The following PROP1 variants were observed in gnomAD, a reference collection of about 807,000 sequenced individuals.
PROP1 encodes the protein homeobox protein prophet of Pit-1.
In PROP1, 12 loss-of-function variants were observed where a neutral mutation model predicts 22.3. The observed-to-expected ratio is 0.54, with a 90% CI of 0.34 to 0.87. The LOEUF (loss-of-function observed/expected upper bound fraction) is 0.87, where lower values mean the gene tolerates loss of function less well. PROP1 is among the 40% of genes least tolerant of loss of function. The probability of loss-of-function intolerance (pLI) is 0.01; values close to 1 mark genes in which losing one functional copy is unlikely to be tolerated. For synonymous variants in PROP1, 112 were observed against 116.7 expected (o/e 0.96, Z 0.26); for missense variants, 278 against 295.1 (o/e 0.94, Z 0.43).
At chr5:177,994,666 C>T (rs531275769) in intron 1 of PROP1, among the ~76,000 whole-genome samples, 1 of 152,266 alleles carries the variant, frequency 6.6e-6, no homozygotes, top group African/African-American at 2.4e-5. Flanking sequence ...TCTCAAACTC[C>T]TGGCCTCAAG....
chr5:177,993,090 A>G, intron 2 of PROP1, 43 bp from the exon 3 acceptor site: 5 of 1,517,028 alleles, frequency 3.3e-6, no homozygotes, highest in Non-Finnish European at 3.6e-6. Context: ...CACTTGACAT[A>G]GGTGGTGACA....
intron 1 of PROP1, among the ~76,000 whole-genome samples, chr5:177,995,103 G>A (rs897550697): frequency 4.6e-5 from 7 of 152,060 alleles, no homozygotes; most frequent in African/African-American, 1.7e-4. Context: ...TTCAACCTGT[G>A]CCTTCTTCAG....
chr5:177,996,081 G>T lies in PROP1; in HGVS notation c.-148C>A. The T allele has an allele frequency of 1.4e-6, 1 of 706,938 alleles. No homozygotes were observed. The highest frequency in any genetic ancestry group is 2.5e-6 in the Non-Finnish European group (1 of 397,884). The allele number at this position is 706,938 out of a possible 1,614,324, so 43.8% of individuals were successfully genotyped here. A position where few individuals can be genotyped will look rare whatever the true frequency, so the allele number is the denominator to read the frequency against. On this transcript the variant is annotated 5_prime_UTR_variant, in exon 1 of 3. Transcript: ENST00000308304. ...TCTCTGAATGTGTGTGTAGGTGCAG[G>T]CAGCTGTCTCTGACTTTTTCACTGT...
intron 2 of PROP1, 83 bp from the exon 3 acceptor site, chr5:177,993,130 C>T (rs1772696479): frequency 8.3e-7 from 1 of 1,209,476 alleles, no homozygotes; most frequent in African/African-American, 1.5e-5. Context: ...GGTGCAGGGA[C>T]AGGGAGCAGG....
chr5:177,992,875 C>T lies in PROP1; in HGVS notation c.515G>A (p.Ser172Asn). The part of the protein sequence containing the change: ...PPVTCFPHPY[S>N]HALPSQPSTG... The stretch of plus-strand genomic sequence containing the variant: ...GGAGGGCTGGGAAGGGAGGGCATGG[C>T]TGTAGGGGTGAGGGAAGCAGGTCAC... The change falls in exon 3 of 3, where the codon AGC becomes AAC. Residue 172 changes from serine (S) to asparagine (N), a missense_variant. Transcript: ENST00000308304. 1 of 1,613,590 alleles carries T rather than the reference C, an allele frequency of 6.2e-7. No homozygotes were observed. The highest frequency in any genetic ancestry group is 8.5e-7 in the Non-Finnish European group (1 of 1,179,894).
chr5:177,996,055 G>T lies in PROP1; in HGVS notation c.-122C>A. 1.2e-6 allele frequency: 1 copy of T among 806,694 alleles called. No homozygotes were observed. The allele number at this position is 806,694 out of a possible 1,614,324, so 50.0% of individuals were successfully genotyped here. A position where few individuals can be genotyped will look rare whatever the true frequency, so the allele number is the denominator to read the frequency against. The stretch of plus-strand genomic sequence containing the variant: ...TGTGTATGCCACCCTCTGGGACTCT[G>T]TCTCTGAATGTGTGTGTAGGTGCAG... On this transcript the variant is annotated 5_prime_UTR_variant, in exon 1 of 3. Transcript: ENST00000308304.
chr5:177,992,861 A>C lies in PROP1; in HGVS notation c.529T>G (p.Ser177Ala). The C allele has an allele frequency of 6.2e-7, 1 of 1,612,818 alleles. No individual in the cohort carries two copies. The highest frequency in any genetic ancestry group is 1.1e-5 in the South Asian group (1 of 90,994). The change falls in exon 3 of 3, where the codon TCC becomes GCC. Residue 177 changes from serine (S) to alanine (A), a missense_variant. Ser to Ala is a moderately conservative substitution (Grantham distance 99, BLOSUM62 1). Transcript: ENST00000308304. ...AAGGCGCCTCCTGTGGAGGGCTGGG[A>C]AGGGAGGGCATGGCTGTAGGGGTGA... ...FPHPYSHALP[S>A]QPSTGGAFAL...
Position 177,996,100 on chromosome 5 carries a change from TC to T in PROP1, c.-168del. 1.5e-6 allele frequency: 1 copy of T among 661,352 alleles called. No individual in the cohort carries two copies. The highest frequency in any genetic ancestry group is 2.7e-6 in the Non-Finnish European group (1 of 370,068). The allele number at this position is 661,352 out of a possible 1,614,324, so 41.0% of individuals were successfully genotyped here. On this transcript the variant is annotated 5_prime_UTR_variant, in exon 1 of 3. Transcript: ENST00000308304. ...GTGCAGGCAGCTGTCTCTGACTTTT[TC>T]ACTGTCTTTACTTTTTTTCTAATTG... is the stretch of plus-strand genomic sequence containing the variant.
At chr5:177,995,625 C>A (rs1422869031) in intron 1 of PROP1, among the ~76,000 whole-genome samples, 200 bp downstream of exon 1, 2 of 152,224 alleles carry the variant, frequency 1.3e-5, no homozygotes, top group East Asian at 3.8e-4. Flanking sequence ...CAGCCGCCCC[C>A]TCCTGCCAAG....
In PROP1 at chr5:177,996,199, T is replaced by A; in HGVS notation, c.-266A>T. ...CCTCAGCCTCACCTGTTGCTCTGTTTCTGACTACTTTTCTCTGCCTGGCCC... is the reference window on the plus strand; with the variant it reads ...CCTCAGCCTCACCTGTTGCTCTGTTACTGACTACTTTTCTCTGCCTGGCCC... On this transcript the variant is annotated 5_prime_UTR_variant, in exon 1 of 3. Coordinates refer to ENST00000308304, the MANE Select transcript of PROP1 (RefSeq NM_006261.5). The A allele has an allele frequency of 1.9e-6, 1 of 523,412 alleles. No homozygotes were observed. The highest frequency in any genetic ancestry group is 3.5e-6 in the Non-Finnish European group (1 of 289,668). The allele number at this position is 523,412 out of a possible 1,614,324, so 32.4% of individuals were successfully genotyped here. A position where few individuals can be genotyped will look rare whatever the true frequency, so the allele number is the denominator to read the frequency against.
Position 177,992,419 on chromosome 5 carries a change from T to C in PROP1, c.*290A>G. 4.4e-6 allele frequency: 2 copies of C among 455,824 alleles called. No homozygotes were observed. Among genetic ancestry groups the C allele is most frequent in the Non-Finnish European group, 7.8e-6 (2 of 256,278 alleles). 28.2% of individuals were successfully genotyped at this position (455,824 alleles called of 1,614,324 possible). ...AATGAAGGCCCTCACCTCCTAGCCCTTCAATCATCTCCACTCACCAGCAAC... is the reference window on the plus strand; with the variant it reads ...AATGAAGGCCCTCACCTCCTAGCCCCTCAATCATCTCCACTCACCAGCAAC... On this transcript the variant is annotated 3_prime_UTR_variant, in exon 3 of 3. Coordinates refer to ENST00000308304, the MANE Select transcript of PROP1 (RefSeq NM_006261.5).
At position 177,992,855 on chromosome 5, in the gene PROP1, G is replaced by C; in HGVS notation, c.535C>G (p.Pro179Ala). The C allele has an allele frequency of 6.2e-7, 1 of 1,613,010 alleles. No homozygotes were observed. Among genetic ancestry groups the C allele is most frequent in the Non-Finnish European group, 8.5e-7 (1 of 1,179,428 alleles). The change falls in exon 3 of 3, where the codon CCC becomes GCC. Residue 179 changes from proline (P) to alanine (A), a missense_variant. Coordinates refer to ENST00000308304, the MANE Select transcript of PROP1 (RefSeq NM_006261.5). ...HPYSHALPSQ[P>A]STGGAFALSH... ...AAAGCAAAGGCGCCTCCTGTGGAGG[G>C]CTGGGAAGGGAGGGCATGGCTGTAG...
At position 177,994,162 on chromosome 5, in the gene PROP1, T is replaced by G; in HGVS notation, c.286A>C (p.Ile96Leu). 1.2e-6 allele frequency: 2 copies of G among 1,614,136 alleles called. No homozygotes were observed. The highest frequency in any genetic ancestry group is 1.7e-6 in the Non-Finnish European group (2 of 1,180,026). ...SAFGRNQYPD[I>L]WARESLARDT... Reference sequence around the variant, plus strand: ...CGGGCAAGACTCTCTCGGGCCCAGATGTCGGGGTACTGGTTCCTCCCAAAG... The same window carrying G: ...CGGGCAAGACTCTCTCGGGCCCAGAGGTCGGGGTACTGGTTCCTCCCAAAG... The change falls in exon 2 of 3, where the codon ATC becomes CTC. Residue 96 changes from isoleucine to leucine, a missense_variant. By Grantham distance (5) the Ile-to-Leu change is conservative. Transcript: ENST00000308304.
intron 1 of PROP1, among the ~76,000 whole-genome samples, chr5:177,995,156 C>A (rs1324889278): frequency 6.6e-6 from 1 of 152,040 alleles, no homozygotes; most frequent in Non-Finnish European, 1.5e-5. Flanking sequence ...AAGATGGGCA[C>A]CCCCCTCTTC....
rs199920116 is a variant in PROP1 at position 177,994,212 on chromosome 5, A to G, written c.236T>C (p.Val79Ala). Residue 79 changes from valine to alanine, a missense_variant, in exon 2 of 3, where the codon GTG becomes GCG. Transcript: ENST00000308304. ...RRRHRTTFSP[V>A]QLEQLESAFG... ...GGCTGACTCCAGCTGTTCCAACTGCACTGGGCTGAAGGTGGTGCGGTGGCG... is the reference window on the plus strand; with the variant it reads ...GGCTGACTCCAGCTGTTCCAACTGCGCTGGGCTGAAGGTGGTGCGGTGGCG... 1 of 1,614,114 alleles carries G rather than the reference A, an allele frequency of 6.2e-7. No individual in the cohort carries two copies. Among genetic ancestry groups the G allele is most frequent in the East Asian group, 2.2e-5 (1 of 44,860 alleles).
chr5:177,993,373 A>T (rs1772699847), intron 2 of PROP1, among the ~76,000 whole-genome samples: 1 of 152,204 alleles, frequency 6.6e-6, no homozygotes, highest in Non-Finnish European at 1.5e-5. Flanking sequence ...TTTAACGATT[A>T]AGACTGTAGA....
chr5:177,994,183 C>G lies in PROP1; in HGVS notation c.265G>C (p.Gly89Arg), dbSNP rs1755697105. 3 of 1,614,036 alleles carry G rather than the reference C, an allele frequency of 1.9e-6. No homozygotes were observed. The highest frequency in any genetic ancestry group is 2.5e-6 in the Non-Finnish European group (3 of 1,180,022). Residue 89 changes from glycine to arginine, a missense_variant, in exon 2 of 3, where the codon GGG (glycine) becomes CGG (arginine). Gly to Arg is a moderately radical substitution (Grantham distance 125). Coordinates refer to ENST00000308304, the MANE Select transcript of PROP1 (RefSeq NM_006261.5). ...CAGATGTCGGGGTACTGGTTCCTCCCAAAGGCTGACTCCAGCTGTTCCAAC... is the reference window on the plus strand; with the variant it reads ...CAGATGTCGGGGTACTGGTTCCTCCGAAAGGCTGACTCCAGCTGTTCCAAC... The part of the protein sequence containing the change: ...VQLEQLESAF[G>R]RNQYPDIWAR...
Position 177,995,805 on chromosome 5 carries a change from A to G in PROP1, c.109+20T>C, listed in dbSNP as rs1755752360. On this transcript the variant is annotated intron_variant, in intron 1 of 2. Transcript: ENST00000308304. ...CCGCTGCCTCCTCAGGGACCCACGCACACCGGGACGGTCACTCACCCACCG... is the reference window on the plus strand; with the variant it reads ...CCGCTGCCTCCTCAGGGACCCACGCGCACCGGGACGGTCACTCACCCACCG... The G allele has an allele frequency of 6.3e-7, 1 of 1,599,022 alleles. No individual in the cohort carries two copies. Among genetic ancestry groups the G allele is most frequent in the Non-Finnish European group, 8.6e-7 (1 of 1,167,518 alleles).
chr5:177,996,006 A>C lies in PROP1; in HGVS notation c.-73T>G. On this transcript the variant is annotated 5_prime_UTR_variant, in exon 1 of 3. Transcript: ENST00000308304. ...CTCTGCTTCCGCAGCTCCTCTCCACACCTGTTCCCTCCCCTTCTCCCTCTG... is the reference window on the plus strand; with the variant it reads ...CTCTGCTTCCGCAGCTCCTCTCCACCCCTGTTCCCTCCCCTTCTCCCTCTG... The C allele has an allele frequency of 7.7e-7, 1 of 1,300,952 alleles. No homozygotes were observed. Among genetic ancestry groups the C allele is most frequent in the Non-Finnish European group, 1.1e-6 (1 of 908,468 alleles). The allele number at this position is 1,300,952 out of a possible 1,614,324, so 80.6% of individuals were successfully genotyped here.
Sources: gnomAD v4.1 joint callset for allele counts (sites outside exome capture counted in the v4.1 genomes callset) on GRCh38, gnomAD v4.1.1 for gene constraint, MANE v1.5 for transcripts, NCBI Gene and HGNC (gene_info 2026-07-23, HGNC 2026-07-21) for gene names.